ASIP: variants seen among roughly 807,000 people sequenced by gnomAD.
The protein encoded by ASIP is agouti-signaling protein.
Under a neutral mutation model 10.3 loss-of-function variants are expected in ASIP, and 11 were observed. The ratio of observed to expected loss-of-function variants is 1.07; its 90% CI spans 0.68 to 1.78. The LOEUF (loss-of-function observed/expected upper bound fraction) is 1.78, where lower values mean the gene tolerates loss of function less well. Among genes scored for constraint, ASIP ranks in the 40% most tolerant of loss-of-function variants. The pLI is 0.00. For synonymous variants in ASIP, 70 were observed against 70.8 expected, an observed-to-expected ratio of 0.99 and a Z score of 0.06; for missense variants, 180 against 169.2, an observed-to-expected ratio of 1.06 and a Z score of -0.35.
chr20:34,220,953 CTTTT>C (rs10661983), intron 1 of ASIP, among the ~76,000 whole-genome samples: 2 of 109,764 alleles, frequency 1.8e-5, no homozygotes, highest in South Asian at 5.7e-4. Context: ...TTCTTTCCTT[CTTTT>C]TTTTTTTTTT....
At chr20:34,247,747 C>G (rs1228185749) in intron 1 of ASIP, among the ~76,000 whole-genome samples, 1 of 152,088 alleles carries the variant, frequency 6.6e-6, no homozygotes, top group Non-Finnish European at 1.5e-5. Context: ...ATAGCTGAAA[C>G]TACCATGCCC....
chr20:34,253,150 C>T (rs891388623), intron 1 of ASIP, among the ~76,000 whole-genome samples: 3 of 151,544 alleles, frequency 2.0e-5, no homozygotes, highest in Non-Finnish European at 2.9e-5. Flanking sequence ...CTCTGTTGCC[C>T]AGGCTGGAGT....
chr20:34,235,295 C>A (rs2035165195), intron 1 of ASIP, among the ~76,000 whole-genome samples: 1 of 152,092 alleles, frequency 6.6e-6, no homozygotes, highest in Non-Finnish European at 1.5e-5. Flanking sequence ...CAAAAATTAG[C>A]CAGGCGAGGT....
At chr20:34,187,609 G>A in the ASIP span, among the ~76,000 whole-genome samples, 3 of 152,172 alleles carry the variant, frequency 2.0e-5, no homozygotes, top group Non-Finnish European at 4.4e-5. Context: ...TTTTATAAAT[G>A]GCAGTGACAG....
At chr20:34,244,533 C>T (rs2035338059) in intron 1 of ASIP, among the ~76,000 whole-genome samples, 1 of 152,210 alleles carries the variant, frequency 6.6e-6, no homozygotes, top group Admixed American at 6.5e-5. Context: ...ATTCTTTAAA[C>T]ATATGCGTAA....
chr20:34,203,972 T>G (rs2034917997), intron 1 of ASIP, among the ~76,000 whole-genome samples: 1 of 152,082 alleles, frequency 6.6e-6, no homozygotes, highest in African/African-American at 2.4e-5. Flanking sequence ...GTGATCCACC[T>G]GCCTTGGCCT....
At chr20:34,198,305 G>A (rs548236526) in intron 1 of ASIP, among the ~76,000 whole-genome samples, 1 of 151,936 alleles carries the variant, frequency 6.6e-6, no homozygotes, top group South Asian at 2.1e-4. Context: ...GGCCAGGCTG[G>A]GCTTGAACTC....
chr20:34,187,409 A>AG, the ASIP span, among the ~76,000 whole-genome samples: 3 of 152,210 alleles, frequency 2.0e-5, no homozygotes, highest in Non-Finnish European at 4.4e-5. Context: ...TTCTTCTCAG[A>AG]GAAAAAATCA....
chr20:34,218,771 T>G (rs914847700), intron 1 of ASIP, among the ~76,000 whole-genome samples: 4 of 152,050 alleles, frequency 2.6e-5, no homozygotes, highest in Non-Finnish European at 5.9e-5. Context: ...CATGCCATTC[T>G]CCTGCCTCAG....
intron 1 of ASIP, among the ~76,000 whole-genome samples, chr20:34,254,070 G>T (rs187553326): frequency 6.8e-6 from 1 of 147,304 alleles, no homozygotes; most frequent in Non-Finnish European, 1.5e-5. Flanking sequence ...GTTTTGTTTC[G>T]TTTTTTTTTT....
intron 3 of ASIP, among the ~76,000 whole-genome samples, chr20:34,266,576 G>A (rs1188376290): frequency 6.6e-6 from 1 of 151,796 alleles, no homozygotes; most frequent in Non-Finnish European, 1.5e-5. Flanking sequence ...GGGAGACTGA[G>A]GCAGGAGAAT....
chr20:34,200,421 T>TG (rs1421820120), intron 1 of ASIP, among the ~76,000 whole-genome samples: 1 of 152,246 alleles, frequency 6.6e-6, no homozygotes, highest in Non-Finnish European at 1.5e-5. Flanking sequence ...ATGTACATTG[T>TG]GGGGTAGACT....
At chr20:34,233,302 C>T (rs1264706756) in intron 1 of ASIP, among the ~76,000 whole-genome samples, 1 of 152,018 alleles carries the variant, frequency 6.6e-6, no homozygotes, top group Non-Finnish European at 1.5e-5. Context: ...CACCCACCAC[C>T]ATGCCCGGCT....
intron 1 of ASIP, among the ~76,000 whole-genome samples, chr20:34,211,409 ATGT>A (rs1321965241): frequency 6.6e-6 from 1 of 152,182 alleles, no homozygotes; most frequent in East Asian, 1.9e-4. Context: ...ATTCTACAAA[ATGT>A]TGTTGTTATT....
chr20:34,207,182 C>A (rs191297667), intron 1 of ASIP, among the ~76,000 whole-genome samples: 88 of 152,174 alleles, frequency 5.8e-4, no homozygotes, highest in African/African-American at 2.0e-3. Flanking sequence ...TTTTAAATTT[C>A]TTTTCCTTCT....
At chr20:34,262,931 G>A in intron 3 of ASIP, 38 bp downstream of exon 3, 2 of 1,610,104 alleles carry the variant, frequency 1.2e-6, no homozygotes, top group East Asian at 2.2e-5. Context: ...TCATTGTTGG[G>A]GTGAGACTGG....
chr20:34,188,305 C>T, the ASIP span, among the ~76,000 whole-genome samples: 1 of 152,240 alleles, frequency 6.6e-6, no homozygotes, highest in East Asian at 1.9e-4. Flanking sequence ...CTTTTGTCTC[C>T]GAAAGCTTAG....
chr20:34,217,403 A>C (rs570660645), intron 1 of ASIP, among the ~76,000 whole-genome samples: 19 of 151,358 alleles, frequency 1.3e-4, no homozygotes, highest in Admixed American at 7.9e-4. Context: ...TCGCCACTGC[A>C]CTCCAGCCTG....
chr20:34,187,796 A>G, the ASIP span, among the ~76,000 whole-genome samples: 1 of 152,222 alleles, frequency 6.6e-6, no homozygotes, highest in African/African-American at 2.4e-5. Flanking sequence ...GACCTTTAAG[A>G]GGAAAAGATA....
Sources: allele counts gnomAD v4.1 joint callset (sites outside exome capture counted in the v4.1 genomes callset), GRCh38; gene constraint gnomAD v4.1.1; transcripts MANE v1.5; gene names NCBI Gene and HGNC (gene_info 2026-07-23, HGNC 2026-07-21).